Variants in ARMC9 observed in about 807,000 individuals in gnomAD.
ARMC9 encodes the protein armadillo repeat containing 9.
In ARMC9, 94 loss-of-function variants were observed where a neutral mutation model predicts 107.0. The ratio of observed to expected loss-of-function variants is 0.88; its 90% CI spans 0.74 to 1.04. The LOEUF is 1.04. Among genes scored for constraint, ARMC9 ranks in the 50% least tolerant of loss-of-function variants. ARMC9 has a pLI of 0.00. For synonymous variants in ARMC9, 380 were observed against 396.9 expected (o/e 0.96, Z 0.51); for missense variants, 942 against 1,030.1 (o/e 0.91, Z 1.17).
At chr2:231,285,049 T>C (rs2040486329) in intron 17 of ARMC9, among the ~76,000 whole-genome samples, 1 of 151,820 alleles carries the variant, frequency 6.6e-6, no homozygotes, top group Non-Finnish European at 1.5e-5. Flanking sequence ...AATACAAAAA[T>C]TAGCCGCGTG....
rs1222711613 is a variant in ARMC9 at position 231,353,347 on chromosome 2, C to T, written c.1995-2451C>T. ...GACTACAGGCGCCTACCACCACGCC[C>T]GGCTATTTTTTTGTATTTTTAGTAG... On this transcript the variant is annotated intron_variant, in intron 21 of 24. Transcript: ENST00000611582. Among the ~76,000 whole-genome samples, 5 of 123,480 alleles carry T rather than the reference C, an allele frequency of 4.0e-5. 1 individual carries two copies. The highest frequency in any genetic ancestry group is 2.2e-4 in the African/African-American group (4 of 18,046). 81.0% of individuals were successfully genotyped at this position (123,480 alleles called of 152,430 possible).
intron 18 of ARMC9, 111 bp downstream of exon 18, chr2:231,291,554 G>C: frequency 9.2e-7 from 1 of 1,081,918 alleles, no homozygotes; most frequent in South Asian, 1.4e-5. Context: ...ACGGTGGCTC[G>C]TGCTTATAAT....
intron 20 of ARMC9, among the ~76,000 whole-genome samples, chr2:231,340,950 C>A (rs566527322): frequency 1.3e-5 from 2 of 151,720 alleles, no homozygotes; most frequent in African/African-American, 4.8e-5. Context: ...CGTGTGTAAT[C>A]CCAGTGCTTT....
At chr2:231,352,504 A>G (rs1303950253) in intron 21 of ARMC9, among the ~76,000 whole-genome samples, 2 of 146,592 alleles carry the variant, frequency 1.4e-5, no homozygotes, top group African/African-American at 5.4e-5. Context: ...TTTATTTTTT[A>G]GTAGAGACGG....
At chr2:231,302,445 T>TTG (rs2041804558) in intron 19 of ARMC9, among the ~76,000 whole-genome samples, 1 of 142,902 alleles carries the variant, frequency 7.0e-6, no homozygotes, top group Non-Finnish European at 1.5e-5. Context: ...TTGTTTTTTT[T>TTG]TTTTTTTTTT....
At chr2:231,312,953 C>A (rs544872945) in intron 19 of ARMC9, among the ~76,000 whole-genome samples, 1 of 152,164 alleles carries the variant, frequency 6.6e-6, no homozygotes, top group Non-Finnish European at 1.5e-5. Flanking sequence ...TAAAAACTGA[C>A]TTGGCTAGAA....
intron 2 of ARMC9, among the ~76,000 whole-genome samples, 194 bp from the exon 3 acceptor site, chr2:231,207,933 G>A (rs1205841397): frequency 6.6e-6 from 1 of 152,094 alleles, no homozygotes; most frequent in Non-Finnish European, 1.5e-5. Flanking sequence ...CATTCTGACA[G>A]GTGTGAGGTA....
chr2:231,238,158 G>C (rs918825725), intron 8 of ARMC9, among the ~76,000 whole-genome samples: 1 of 151,982 alleles, frequency 6.6e-6, no homozygotes, highest in African/African-American at 2.4e-5. Flanking sequence ...AAGGACCTTG[G>C]CTGTAAAGAG....
intron 19 of ARMC9, among the ~76,000 whole-genome samples, chr2:231,309,667 G>A (rs1356287464): frequency 6.6e-6 from 1 of 151,942 alleles, no homozygotes; most frequent in African/African-American, 2.4e-5. Flanking sequence ...GGGCATAGAT[G>A]TCTTGAATTC....
chr2:231,229,342 A>G (rs1440211351), intron 7 of ARMC9, among the ~76,000 whole-genome samples: 1 of 152,202 alleles, frequency 6.6e-6, no homozygotes, highest in Non-Finnish European at 1.5e-5. Flanking sequence ...GTTGCATGAT[A>G]TCATTGTTCT....
At position 231,287,529 on chromosome 2, in the gene ARMC9, G is replaced by GGCTTT. The variant is rs201979888; in HGVS notation, c.1627-3800_1627-3796dup. The stretch of plus-strand genomic sequence containing the variant: ...TATTCCGTGATGCTCACTAGGTATG[G>GGCTTT]GCTTTGCTTTGCTTTGCTTTGCTTT... On this transcript the variant is annotated intron_variant, in intron 17 of 24. Transcript: ENST00000611582. 6.2e-3 allele frequency among the ~76,000 whole-genome samples: 941 copies of GGCTTT among 151,964 alleles called. 12 individuals carry two copies. The highest frequency in any genetic ancestry group is 0.02 in the African/African-American group (843 of 41,490).
chr2:231,342,499 C>T (rs935413204), intron 20 of ARMC9, among the ~76,000 whole-genome samples: 2 of 151,976 alleles, frequency 1.3e-5, no homozygotes, highest in African/African-American at 2.4e-5. Flanking sequence ...CGAGAAAACC[C>T]GCATGTTGAC....
intron 9 of ARMC9, among the ~76,000 whole-genome samples, chr2:231,244,388 ACAGGGT>A (rs2036570891): frequency 7.1e-6 from 1 of 140,268 alleles, no homozygotes; most frequent in African/African-American, 2.7e-5. Context: ...TTTTTTTGAG[ACAGGGT>A]CTCGCTCTGT....
At chr2:231,270,450 T>A in intron 12 of ARMC9, 1 of 362,136 alleles carries the variant, frequency 2.8e-6, no homozygotes, top group Non-Finnish European at 5.5e-6. Context: ...GAGTGAGTAA[T>A]GGAAATTGGG....
intron 21 of ARMC9, among the ~76,000 whole-genome samples, chr2:231,346,112 T>G (rs2044801966): frequency 6.6e-6 from 1 of 152,242 alleles, no homozygotes; most frequent in Non-Finnish European, 1.5e-5. Context: ...TTAGGTATGA[T>G]ATGCTTATAT....
chr2:231,337,154 C>T (rs78110831), intron 20 of ARMC9, among the ~76,000 whole-genome samples: 101 of 151,868 alleles, frequency 6.7e-4, no homozygotes, highest in Non-Finnish European at 1.3e-3. Context: ...TGGGGCATTT[C>T]CTAATCCCTT....
At chr2:231,307,274 C>T (rs1328535310) in intron 19 of ARMC9, among the ~76,000 whole-genome samples, 2 of 152,104 alleles carry the variant, frequency 1.3e-5, no homozygotes, top group African/African-American at 4.8e-5. Flanking sequence ...AGGACTGTTT[C>T]GTTTGGATGA....
At chr2:231,353,998 C>T (rs1489973494) in intron 21 of ARMC9, among the ~76,000 whole-genome samples, 5 of 143,318 alleles carry the variant, frequency 3.5e-5, no homozygotes, top group African/African-American at 1.0e-4. Context: ...CACACACACA[C>T]ACACACACAC....
chr2:231,250,276 GCTTGTGATTGTTGATGT>G (rs2037176007), intron 9 of ARMC9, among the ~76,000 whole-genome samples: 1 of 152,190 alleles, frequency 6.6e-6, no homozygotes, highest in Non-Finnish European at 1.5e-5. Context: ...ATGGTTTGGG[GCTTGTGATTGTTGATGT>G]CTTTGTTGTA....
Sources: gnomAD v4.1 joint callset for allele counts (sites outside exome capture counted in the v4.1 genomes callset) on GRCh38, gnomAD v4.1.1 for gene constraint, MANE v1.5 for transcripts, NCBI Gene and HGNC (gene_info 2026-07-23, HGNC 2026-07-21) for gene names.